Variants in GATAD2A observed in about 807,000 individuals in gnomAD.
GATAD2A encodes the protein GATA zinc finger domain containing 2A.
A neutral mutation model predicts 68.5 loss-of-function variants in GATAD2A; 12 were observed. That is an observed-to-expected ratio of 0.18 (90% confidence interval 0.11 to 0.28). The LOEUF (loss-of-function observed/expected upper bound fraction) is 0.28, where lower values mean the gene tolerates loss of function less well. GATAD2A is among the 10% of genes least tolerant of loss of function. The probability of loss-of-function intolerance (pLI) is 1.00; values close to 1 mark genes in which losing one functional copy is unlikely to be tolerated. For synonymous variants in GATAD2A, 410 were observed against 375.3 expected (o/e 1.09, Z -1.07); for missense variants, 755 against 868.5 (o/e 0.87, Z 1.64).
chr19:19,471,773 A>G (rs532162489), intron 2 of GATAD2A, among the ~76,000 whole-genome samples: 2 of 152,190 alleles, frequency 1.3e-5, no homozygotes, highest in African/African-American at 4.8e-5. Context: ...CAAAACCCGC[A>G]GAGGTAGAAG....
chr19:19,417,999 C>T (rs2051862623), intron 1 of GATAD2A, among the ~76,000 whole-genome samples: 1 of 152,106 alleles, frequency 6.6e-6, no homozygotes, highest in Non-Finnish European at 1.5e-5. Flanking sequence ...ATGCAGACAT[C>T]TGGGGCACTC....
intron 1 of GATAD2A, among the ~76,000 whole-genome samples, chr19:19,439,266 A>T (rs1246960285): frequency 1.3e-5 from 2 of 152,234 alleles, no homozygotes; most frequent in Non-Finnish European, 2.9e-5. Context: ...CTCTTTGTTA[A>T]GCAGGCACGC....
chr19:19,464,066 A>G (rs2057681404), intron 1 of GATAD2A, among the ~76,000 whole-genome samples: 1 of 152,116 alleles, frequency 6.6e-6, no homozygotes, highest in Non-Finnish European at 1.5e-5. Flanking sequence ...CAGCTTCCAG[A>G]CGGTCTGCCT....
chr19:19,484,742 C>T (rs1600253013), intron 2 of GATAD2A, among the ~76,000 whole-genome samples: 1 of 151,978 alleles, frequency 6.6e-6, no homozygotes, highest in Non-Finnish European at 1.5e-5. Context: ...ACTGTGTTAG[C>T]CAGGATGGTC....
At chr19:19,484,336 T>C (rs575978122) in intron 2 of GATAD2A, among the ~76,000 whole-genome samples, 1 of 151,990 alleles carries the variant, frequency 6.6e-6, no homozygotes, top group East Asian at 1.9e-4. Flanking sequence ...CTTGGGAGGC[T>C]AAGATGGGAG....
Position 19,438,078 on chromosome 19 carries a change from T to C in GATAD2A, c.-6-27262T>C, listed in dbSNP as rs937397886. ...GCTCTCAAACTCTTTGGAGACAAGT[T>C]CAGACTCAAAGTCTGTGCCAGTTTC... On this transcript the variant is annotated intron_variant, in intron 1 of 11. Coordinates refer to ENST00000683918, the MANE Select transcript of GATAD2A (RefSeq NM_001384528.1). Among the ~76,000 whole-genome samples the C allele has an allele frequency of 2.0e-5, 3 of 152,352 alleles. No homozygotes were observed. The East Asian group carries it at 5.8e-4, about 29-fold the overall frequency.
chr19:19,445,674 ATG>A (rs1339322793), intron 1 of GATAD2A, among the ~76,000 whole-genome samples: 3 of 152,168 alleles, frequency 2.0e-5, no homozygotes, highest in Non-Finnish European at 1.5e-5. Flanking sequence ...ATCATGCAAT[ATG>A]TGGCCTTTTT....
At chr19:19,474,875 C>T (rs1017690960) in intron 2 of GATAD2A, among the ~76,000 whole-genome samples, 1 of 152,220 alleles carries the variant, frequency 6.6e-6, no homozygotes, top group African/African-American at 2.4e-5. Flanking sequence ...CACTGGGTCC[C>T]CAGAGAGGTT....
chr19:19,450,007 C>CTT (rs57792286), intron 1 of GATAD2A, among the ~76,000 whole-genome samples: 11,559 of 152,104 alleles, frequency 0.076, 1,503 homozygotes, highest in African/African-American at 0.26. Flanking sequence ...CCAGGCTGGT[C>CTT]TTGAGCTCTT....
chr19:19,502,155 C>T (rs2060573896), intron 10 of GATAD2A, 112 bp downstream of exon 10: 1 of 918,306 alleles, frequency 1.1e-6, no homozygotes, highest in Non-Finnish European at 1.7e-6. Context: ...GTTTCTGTTT[C>T]ACTCTCTCCC....
chr19:19,492,175 G>A (rs2059839025), intron 2 of GATAD2A, 131 bp from the exon 3 acceptor site: 2 of 933,552 alleles, frequency 2.1e-6, no homozygotes, highest in Admixed American at 4.8e-5. Context: ...GGGCAGGGCA[G>A]GGGATGTGGA....
intron 1 of GATAD2A, among the ~76,000 whole-genome samples, chr19:19,395,602 G>A (rs1568691568): frequency 1.3e-5 from 2 of 152,188 alleles, no homozygotes; most frequent in Non-Finnish European, 2.9e-5. Context: ...ATCTGGCAGG[G>A]CGGCCAAAAA....
chr19:19,444,872 T>TAAAAA (rs10641522), intron 1 of GATAD2A, among the ~76,000 whole-genome samples: 2,594 of 123,060 alleles, frequency 0.021, 113 homozygotes, highest in African/African-American at 0.078. Context: ...CCTCGTCCCT[T>TAAAAA]AAAAAAAAAA....
Position 19,506,217 on chromosome 19 carries a change from C to T in GATAD2A, c.*743C>T, listed in dbSNP as rs544132293. 113 of 398,760 alleles carry T rather than the reference C, an allele frequency of 2.8e-4. No individual in the cohort carries two copies. In the Middle Eastern group the frequency reaches 3.8e-3, roughly 13 times the overall value. The allele number at this position is 398,760 out of a possible 1,614,324, so 24.7% of individuals were successfully genotyped here. On this transcript the variant is annotated 3_prime_UTR_variant, in exon 12 of 12. Coordinates refer to ENST00000683918, the MANE Select transcript of GATAD2A (RefSeq NM_001384528.1). ...TCCATTGCTGCTTGTTCTGGAGACC[C>T]CCGCCCCCGCACCTTCCAGACTTAG...
intron 1 of GATAD2A, among the ~76,000 whole-genome samples, chr19:19,431,899 C>T (rs866316118): frequency 3.3e-5 from 5 of 151,610 alleles, no homozygotes; most frequent in Non-Finnish European, 5.9e-5. Context: ...GGAGCAGGGT[C>T]GGGATGGTGG....
At chr19:19,498,357 G>A in intron 7 of GATAD2A, 86 bp from the exon 8 acceptor site, 2 of 1,296,570 alleles carry the variant, frequency 1.5e-6, no homozygotes, top group South Asian at 2.8e-5. Context: ...TAGTGCAGTT[G>A]ACAGGACCTC....
chr19:19,455,391 G>A (rs1236030173), intron 1 of GATAD2A, among the ~76,000 whole-genome samples: 3 of 152,122 alleles, frequency 2.0e-5, no homozygotes, highest in East Asian at 1.9e-4. Flanking sequence ...TCGGGAGGCC[G>A]AGGCAGGAGA....
At chr19:19,438,050 A>G (rs1221645994) in intron 1 of GATAD2A, among the ~76,000 whole-genome samples, 2 of 152,190 alleles carry the variant, frequency 1.3e-5, no homozygotes, top group Admixed American at 6.5e-5. Flanking sequence ...ACACTTACAC[A>G]GGGCTCTCAA....
At chr19:19,470,261 A>G (rs2058199337) in intron 2 of GATAD2A, among the ~76,000 whole-genome samples, 1 of 148,330 alleles carries the variant, frequency 6.7e-6, no homozygotes, top group African/African-American at 2.5e-5. Flanking sequence ...CAGCCTCTTG[A>G]GTAGCTGAGA....
Sources: gnomAD v4.1 joint callset for allele counts (sites outside exome capture counted in the v4.1 genomes callset) on GRCh38, gnomAD v4.1.1 for gene constraint, MANE v1.5 for transcripts, NCBI Gene and HGNC (gene_info 2026-07-23, HGNC 2026-07-21) for gene names.